CRPPA: variants seen among roughly 807,000 people sequenced by gnomAD.
The protein encoded by CRPPA is CDP-L-ribitol pyrophosphorylase A.
Under a neutral mutation model 52.0 loss-of-function variants are expected in CRPPA, and 43 were observed. That is an observed-to-expected ratio of 0.83 (90% CI 0.65 to 1.07). CRPPA has a LOEUF of 1.07. Ranked by LOEUF, CRPPA falls within the 50% of genes least tolerant of loss-of-function variation. The probability of loss-of-function intolerance (pLI) is 0.00; values close to 1 mark genes in which losing one functional copy is unlikely to be tolerated. For synonymous variants in CRPPA, 250 were observed against 203.5 expected (o/e 1.23, Z -1.94); for missense variants, 629 against 551.7 (o/e 1.14, Z -1.40).
intron 9 of CRPPA, among the ~76,000 whole-genome samples, chr7:16,150,581 T>C (rs1783058720): frequency 6.6e-6 from 1 of 152,162 alleles, no homozygotes; most frequent in African/African-American, 2.4e-5. Context: ...ATTTTTAGAA[T>C]TAAAAAACAC....
chr7:16,181,051 T>C (rs952758404), intron 9 of CRPPA, among the ~76,000 whole-genome samples: 1 of 151,994 alleles, frequency 6.6e-6, no homozygotes, highest in African/African-American at 2.4e-5. Context: ...AAAAAAGCCA[T>C]GATATAAAGA....
chr7:16,280,831 G>A (rs1288402068), intron 5 of CRPPA, among the ~76,000 whole-genome samples: 7 of 152,006 alleles, frequency 4.6e-5, no homozygotes, highest in African/African-American at 1.7e-4. Flanking sequence ...ACCAGCCTGG[G>A]CAACATGGTG....
At chr7:16,258,087 A>T (rs10264415) in intron 8 of CRPPA, among the ~76,000 whole-genome samples, 57,374 of 151,812 alleles carry the variant, frequency 0.38, 11,217 homozygotes, top group Admixed American at 0.47. Context: ...GCTGTTTTAC[A>T]TATCCAAACA....
chr7:16,264,515 T>C (rs1394437007), intron 6 of CRPPA, among the ~76,000 whole-genome samples: 1 of 152,178 alleles, frequency 6.6e-6, no homozygotes, highest in Admixed American at 6.5e-5. Flanking sequence ...AGATGGATTG[T>C]CAAAAAAGTT....
rs1407451088 is a variant in CRPPA at position 16,217,662 on chromosome 7, G to A, written c.1120-1465C>T. The stretch of plus-strand genomic sequence containing the variant: ...GAAGAATGCAGAAGCCTCAGGAGCC[G>A]ATGCGATCAACTGGAAGAAAGGGTA... On this transcript the variant is annotated intron_variant, in intron 8 of 9. Coordinates refer to ENST00000407010, the MANE Select transcript of CRPPA (RefSeq NM_001101426.4). 2.3e-3 allele frequency among the ~76,000 whole-genome samples: 335 copies of A among 145,178 alleles called. 3 individuals are homozygous for A. Among genetic ancestry groups the A allele is most frequent in the South Asian group, 4.7e-4 (2 of 4,218 alleles).
rs1784908219 is a variant in CRPPA, at chr7:16,306,202, T to C, written c.789+2321A>G. Among the ~76,000 whole-genome samples, 4 of 152,212 alleles carry C rather than the reference T, an allele frequency of 2.6e-5. No individual in the cohort carries two copies. In the South Asian group the frequency reaches 8.3e-4, roughly 31 times the overall value. On this transcript the variant is annotated intron_variant, in intron 4 of 9. Transcript: ENST00000407010. ...TTGATTACATCTGCAAAGACACTAT[T>C]TCCAAATAAGGTCACATTCACAGGT... is the stretch of plus-strand genomic sequence containing the variant.
At chr7:16,389,926 A>ATATATATATATATATAT (rs1430354909) in intron 2 of CRPPA, among the ~76,000 whole-genome samples, 6 of 55,002 alleles carry the variant, frequency 1.1e-4, no homozygotes, top group South Asian at 7.6e-4. Flanking sequence ...AAAAAAAAAA[A>ATATATATATATATATAT]AAATATATAT....
intron 9 of CRPPA, among the ~76,000 whole-genome samples, chr7:16,149,541 G>T (rs1479636551): frequency 6.6e-6 from 1 of 152,086 alleles, no homozygotes; most frequent in Non-Finnish European, 1.5e-5. Context: ...CCATTATCTT[G>T]TACTATTTCT....
chr7:16,213,745 G>A lies in CRPPA; in HGVS notation c.1251+2321C>T, dbSNP rs1335295455. On this transcript the variant is annotated intron_variant, in intron 9 of 9. Transcript: ENST00000407010. ...GCCTGGGCAACAAGAGAAAAACTTC[G>A]GCTCAAAAAAAAAAAAAAATTACAG... is the stretch of plus-strand genomic sequence containing the variant. Among the ~76,000 whole-genome samples the A allele has an allele frequency of 7.3e-5, 10 of 136,258 alleles. No homozygotes were observed. In the South Asian group the frequency reaches 1.1e-3, roughly 15 times the overall value. 89.4% of individuals were successfully genotyped at this position (136,258 alleles called of 152,430 possible).
At chr7:16,168,033 C>T (rs1313631752) in intron 9 of CRPPA, among the ~76,000 whole-genome samples, 1 of 152,096 alleles carries the variant, frequency 6.6e-6, no homozygotes, top group Non-Finnish European at 1.5e-5. Flanking sequence ...TACTTTTAGC[C>T]TAAATCCTGT....
At chr7:16,313,856 T>A (rs776391222) in intron 3 of CRPPA, among the ~76,000 whole-genome samples, 6 of 152,068 alleles carry the variant, frequency 3.9e-5, no homozygotes, top group Non-Finnish European at 5.9e-5. Context: ...TTCATTGAAG[T>A]CTGAGAGTAG....
At chr7:16,262,257 T>A (rs1783830503) in intron 6 of CRPPA, among the ~76,000 whole-genome samples, 1 of 152,184 alleles carries the variant, frequency 6.6e-6, no homozygotes, top group South Asian at 2.1e-4. Flanking sequence ...GCTGCCTTAG[T>A]CATCTAAACA....
At chr7:16,186,909 G>A (rs1462094328) in intron 9 of CRPPA, among the ~76,000 whole-genome samples, 2 of 152,048 alleles carry the variant, frequency 1.3e-5, no homozygotes, top group Admixed American at 1.3e-4. Context: ...TAACCTACGT[G>A]GAAAGTTTGC....
Position 16,166,443 on chromosome 7 carries a change from C to A in CRPPA, c.1251+49623G>T, listed in dbSNP as rs1484524130. ...TACAGGCTGGCATCACCACGCCCAG[C>A]TAATATTTGTATTTTTAGTAGAGAC... On this transcript the variant is annotated intron_variant, in intron 9 of 9. Coordinates refer to ENST00000407010, the MANE Select transcript of CRPPA (RefSeq NM_001101426.4). Among the ~76,000 whole-genome samples, 3 of 151,988 alleles carry A rather than the reference C, an allele frequency of 2.0e-5. No homozygotes were observed. In the East Asian group the frequency reaches 5.8e-4, roughly 29 times the overall value.
chr7:16,200,194 G>A (rs536265036), intron 9 of CRPPA, among the ~76,000 whole-genome samples: 20 of 152,194 alleles, frequency 1.3e-4, no homozygotes, highest in South Asian at 2.1e-4. Context: ...TTGCTTCTAC[G>A]GACGTTACTG....
At chr7:16,398,187 C>A (rs1787667118) in intron 2 of CRPPA, among the ~76,000 whole-genome samples, 1 of 152,048 alleles carries the variant, frequency 6.6e-6, no homozygotes, top group African/African-American at 2.4e-5. Flanking sequence ...GGCCTGTTGC[C>A]AACATGACAC....
At chr7:16,288,217 G>A (rs1326910828) in intron 5 of CRPPA, among the ~76,000 whole-genome samples, 1 of 151,946 alleles carries the variant, frequency 6.6e-6, no homozygotes, top group Non-Finnish European at 1.5e-5. Flanking sequence ...ATAAAAATTG[G>A]TGTTAAACAA....
At chr7:16,367,382 T>C (rs1332210806) in intron 3 of CRPPA, among the ~76,000 whole-genome samples, 1 of 152,164 alleles carries the variant, frequency 6.6e-6, no homozygotes, top group East Asian at 1.9e-4. Context: ...GGAACTACAC[T>C]GTAAAAACTG....
intron 5 of CRPPA, among the ~76,000 whole-genome samples, chr7:16,288,618 G>A (rs982048481): frequency 6.6e-6 from 1 of 151,794 alleles, no homozygotes; most frequent in African/African-American, 2.4e-5. Flanking sequence ...GGCCAAGGTG[G>A]GTGCATCACC....
Sources: gnomAD v4.1 joint callset for allele counts (sites outside exome capture counted in the v4.1 genomes callset) on GRCh38, gnomAD v4.1.1 for gene constraint, MANE v1.5 for transcripts, NCBI Gene and HGNC (gene_info 2026-07-23, HGNC 2026-07-21) for gene names.